EPHA5: variants seen among roughly 807,000 people sequenced by gnomAD.
EPHA5 encodes EPH receptor A5.
A neutral mutation model predicts 105.0 loss-of-function variants in EPHA5; 60 were observed. The ratio of observed to expected loss-of-function variants is 0.57; its 90% CI spans 0.46 to 0.71. The LOEUF (loss-of-function observed/expected upper bound fraction) is 0.71. Ranked by LOEUF, EPHA5 falls within the 30% of genes least tolerant of loss-of-function variation. The pLI is 0.00. For missense variants in EPHA5, 1,218 were observed against 1,274.7 expected, an observed-to-expected ratio of 0.96 and a Z score of 0.68; for synonymous variants, 513 against 449.1, an observed-to-expected ratio of 1.14 and a Z score of -1.80.
chr4:65,654,186 C>T (rs1445659388), intron 1 of EPHA5, among the ~76,000 whole-genome samples: 1 of 151,166 alleles, frequency 6.6e-6, no homozygotes, highest in Non-Finnish European at 1.5e-5. Flanking sequence ...AAAACACAGA[C>T]TTCTGTCTTC....
rs1174801402 is a variant in EPHA5, at chr4:65,321,156, C to T, written c.*2958G>A. On this transcript the variant is annotated 3_prime_UTR_variant, in exon 17 of 17. Coordinates refer to ENST00000613740, the MANE Select transcript of EPHA5 (RefSeq NM_001281766.3). ...CTCCCTGTACCAATTTTTCAAAGTC[C>T]AATACTGTGAAAGACTCATGCCCCT... 4.3e-6 allele frequency: 1 copy of T among 230,402 alleles called. No individual in the cohort carries two copies. The highest frequency in any genetic ancestry group is 8.6e-6 in the Non-Finnish European group (1 of 116,380). 14.3% of individuals were successfully genotyped at this position (230,402 alleles called of 1,614,324 possible).
intron 5 of EPHA5, among the ~76,000 whole-genome samples, chr4:65,471,203 T>G (rs976143785): frequency 8.5e-5 from 13 of 152,220 alleles, no homozygotes; most frequent in Admixed American, 6.5e-5. Context: ...AGTTTTTCTT[T>G]TAACAGTCCT....
chr4:65,385,066 G>T (rs934011411), intron 8 of EPHA5, among the ~76,000 whole-genome samples: 2 of 151,690 alleles, frequency 1.3e-5, no homozygotes, highest in Non-Finnish European at 2.9e-5. Context: ...TTGAGAAAAG[G>T]AGAGAAAATT....
At chr4:65,576,120 GAAAAGAAAAGA>G (rs1560721720) in intron 3 of EPHA5, among the ~76,000 whole-genome samples, 3 of 116,290 alleles carry the variant, frequency 2.6e-5, no homozygotes, top group African/African-American at 9.7e-5. Flanking sequence ...AAAGAAAAAA[GAAAAGAAAAGA>G]AAAGAAAGAA....
intron 1 of EPHA5, among the ~76,000 whole-genome samples, chr4:65,661,523 G>T (rs1560836106): frequency 6.6e-6 from 1 of 152,076 alleles, no homozygotes; most frequent in East Asian, 1.9e-4. Context: ...CCCCTTCTTA[G>T]GACACCCAGT....
At chr4:65,656,277 C>A (rs951282464) in intron 1 of EPHA5, among the ~76,000 whole-genome samples, 8 of 151,390 alleles carry the variant, frequency 5.3e-5, no homozygotes, top group African/African-American at 1.9e-4. Context: ...AAAAACACCA[C>A]TGGGGTTCTC....
intron 3 of EPHA5, among the ~76,000 whole-genome samples, chr4:65,506,492 C>T (rs1231232506): frequency 7.6e-5 from 11 of 145,338 alleles, no homozygotes; most frequent in East Asian, 2.1e-4. Context: ...CCTATTTCTC[C>T]GCATCCTCTC....
chr4:65,334,663 A>T (rs1262660809), intron 15 of EPHA5, among the ~76,000 whole-genome samples: 1 of 152,016 alleles, frequency 6.6e-6, no homozygotes, highest in Non-Finnish European at 1.5e-5. Flanking sequence ...AGTCGGTCTT[A>T]AAGCAAAATT....
intron 5 of EPHA5, among the ~76,000 whole-genome samples, chr4:65,439,682 TTGAAC>T (rs1468669923): frequency 6.6e-6 from 1 of 152,174 alleles, no homozygotes; most frequent in Non-Finnish European, 1.5e-5. Context: ...TCTTAGGAGT[TTGAAC>T]TGAGAATTCA....
chr4:65,410,502 G>A (rs1168204215), intron 7 of EPHA5, among the ~76,000 whole-genome samples: 4 of 152,138 alleles, frequency 2.6e-5, no homozygotes, highest in Admixed American at 6.5e-5. Flanking sequence ...ATGACTTGAG[G>A]TCGGTGGTAG....
intron 6 of EPHA5, among the ~76,000 whole-genome samples, chr4:65,418,893 T>TTTTTTTTTTTTTTTTTTTG (rs1490104024): frequency 9.5e-6 from 1 of 105,646 alleles, no homozygotes; most frequent in African/African-American, 3.3e-5. Context: ...TTTTTTTTTT[T>TTTTTTTTTTTTTTTTTTTG]TTGCTTCGAG....
At chr4:65,404,312 G>T in intron 8 of EPHA5, 62 bp downstream of exon 8, 2 of 1,409,430 alleles carry the variant, frequency 1.4e-6, no homozygotes, top group Non-Finnish European at 2.0e-6. Flanking sequence ...CAGCCAAATG[G>T]TCAGATCAAG....
intron 8 of EPHA5, among the ~76,000 whole-genome samples, chr4:65,403,871 G>A (rs1722095771): frequency 6.6e-6 from 1 of 152,054 alleles, no homozygotes; most frequent in African/African-American, 2.4e-5. Context: ...GAAAATAAAA[G>A]TGGTCAGTGA....
intron 5 of EPHA5, among the ~76,000 whole-genome samples, chr4:65,456,723 T>TAC (rs71205367): frequency 0.3 from 45,923 of 151,130 alleles, 7,565 homozygotes; most frequent in East Asian, 0.59. Flanking sequence ...AATAAACATA[T>TAC]ACACACACAC....
intron 3 of EPHA5, among the ~76,000 whole-genome samples, chr4:65,495,977 A>G (rs919781403): frequency 2.0e-5 from 3 of 152,228 alleles, no homozygotes; most frequent in African/African-American, 4.8e-5. Flanking sequence ...GTTATTGAAT[A>G]ATAAATTAAT....
intron 3 of EPHA5, chr4:65,573,793 T>C (rs1390085637): frequency 1.9e-5 from 30 of 1,613,372 alleles, no homozygotes; most frequent in Non-Finnish European, 2.1e-5. Context: ...CTTCGCAAAA[T>C]GCCTAGATAT....
intron 2 of EPHA5, among the ~76,000 whole-genome samples, chr4:65,632,399 ATCTCT>A (rs386675398): frequency 1.4e-5 from 2 of 139,536 alleles, no homozygotes; most frequent in African/African-American, 6.7e-5. Context: ...TACCACCATA[ATCTCT>A]GTGCTTGGCA....
intron 5 of EPHA5, among the ~76,000 whole-genome samples, chr4:65,448,281 A>G (rs1048007756): frequency 1.3e-5 from 2 of 152,000 alleles, no homozygotes; most frequent in Non-Finnish European, 2.9e-5. Context: ...AAGGACAGAA[A>G]AAATCACAGA....
At chr4:65,573,746 T>C in intron 3 of EPHA5, 1 of 1,607,898 alleles carries the variant, frequency 6.2e-7, no homozygotes, top group Non-Finnish European at 8.5e-7. Flanking sequence ...CAAAACCAGT[T>C]GGTGGTGACA....
Sources: gnomAD v4.1 joint callset for allele counts (sites outside exome capture counted in the v4.1 genomes callset) on GRCh38, gnomAD v4.1.1 for gene constraint, MANE v1.5 for transcripts, NCBI Gene and HGNC (gene_info 2026-07-23, HGNC 2026-07-21) for gene names.